The following KDM4C variants were observed in gnomAD, a reference collection of about 807,000 sequenced individuals.
KDM4C encodes lysine demethylase 4C.
A neutral mutation model predicts 129.3 loss-of-function variants in KDM4C; 81 were observed. The observed-to-expected ratio is 0.63, with a 90% CI of 0.52 to 0.75. KDM4C has a LOEUF of 0.75. Ranked by LOEUF, KDM4C falls within the 30% of genes least tolerant of loss-of-function variation. KDM4C has a pLI of 0.00. For synonymous variants in KDM4C, 573 were observed against 456.1 expected (o/e 1.26, Z -3.26); for missense variants, 1,457 against 1,304.0 (o/e 1.12, Z -1.81).
chr9:7,023,068 T>A (rs1825167678), intron 15 of KDM4C, among the ~76,000 whole-genome samples: 1 of 152,248 alleles, frequency 6.6e-6, no homozygotes, highest in Non-Finnish European at 1.5e-5. Context: ...GTTGAAGATT[T>A]CTGCATCAGT....
chr9:7,034,555 C>T (rs1176468274), intron 15 of KDM4C, among the ~76,000 whole-genome samples: 2 of 152,166 alleles, frequency 1.3e-5, no homozygotes, highest in Non-Finnish European at 2.9e-5. Context: ...ATACATGCCA[C>T]ATTTTCTTTA....
At chr9:6,774,756 G>A (rs1282062444) in intron 1 of KDM4C, among the ~76,000 whole-genome samples, 2 of 152,146 alleles carry the variant, frequency 1.3e-5, no homozygotes, top group Non-Finnish European at 2.9e-5. Context: ...GGTTTTATAT[G>A]ATACTTGGGG....
chr9:6,796,434 C>A (rs17509074), intron 2 of KDM4C, among the ~76,000 whole-genome samples: 2 of 151,938 alleles, frequency 1.3e-5, no homozygotes, highest in Non-Finnish European at 2.9e-5. Flanking sequence ...GAATGCAGCC[C>A]TTTGTCCTGT....
At chr9:6,835,938 A>G (rs530448462) in intron 4 of KDM4C, among the ~76,000 whole-genome samples, 65 of 152,338 alleles carry the variant, frequency 4.3e-4, no homozygotes, top group African/African-American at 1.3e-3. Context: ...CCGAGTCCAC[A>G]TAGGGGAGGT....
chr9:6,951,297 C>T lies in KDM4C; in HGVS notation c.922-29628C>T, dbSNP rs193182956. ...TTCTATCTAGCTGTAACTTTGTATC[C>T]TTTAACACATCTCTCCCTGTCCTTA... On this transcript the variant is annotated intron_variant, in intron 8 of 21. Transcript: ENST00000381309. Among the ~76,000 whole-genome samples the T allele has an allele frequency of 3.4e-3, 517 of 152,212 alleles. 2 individuals are homozygous for T. The highest frequency in any genetic ancestry group is 0.012 in the African/African-American group (487 of 41,528).
chr9:6,842,304 C>T (rs1219587427), intron 4 of KDM4C, among the ~76,000 whole-genome samples: 1 of 148,746 alleles, frequency 6.7e-6, no homozygotes, highest in African/African-American at 2.5e-5. Flanking sequence ...TTTCTTTTAT[C>T]CACATTTCTT....
intron 19 of KDM4C, among the ~76,000 whole-genome samples, chr9:7,148,501 A>G (rs1016116378): frequency 2.6e-5 from 4 of 151,794 alleles, no homozygotes; most frequent in African/African-American, 7.3e-5. Context: ...GCTCTGGCTC[A>G]GGGAATTCCA....
intron 8 of KDM4C, among the ~76,000 whole-genome samples, chr9:6,918,132 A>G (rs964756343): frequency 6.6e-5 from 10 of 152,226 alleles, no homozygotes; most frequent in Non-Finnish European, 1.2e-4. Flanking sequence ...GGCAGTGAAC[A>G]TAGTACCCAA....
At chr9:6,742,492 C>A (rs894549347) in intron 1 of KDM4C, among the ~76,000 whole-genome samples, 2 of 151,756 alleles carry the variant, frequency 1.3e-5, no homozygotes, top group African/African-American at 2.4e-5. Flanking sequence ...GTTCTGCTGG[C>A]CTTCGTGAGT....
Position 6,990,416 on chromosome 9 carries a change from A to G in KDM4C, c.1678A>G (p.Ile560Val), listed in dbSNP as rs1030363794. The change falls in exon 12 of 22, where the codon ATA (isoleucine) becomes GTA (valine). Residue 560 changes from isoleucine (I) to valine (V), a missense_variant and splice_region_variant. Coordinates refer to ENST00000381309, the MANE Select transcript of KDM4C (RefSeq NM_015061.6). ...GERNSFKVPS[I>V]AEGENKTSKS... Reference sequence around the variant, plus strand: ...TCCACCATTTTTGTTCTATAACTAGATAGCAGAGGGAGAGAACAAAACCTC... The same window carrying G: ...TCCACCATTTTTGTTCTATAACTAGGTAGCAGAGGGAGAGAACAAAACCTC... 1.2e-6 allele frequency: 2 copies of G among 1,602,722 alleles called. No individual in the cohort carries two copies. Among genetic ancestry groups the G allele is most frequent in the Non-Finnish European group, 1.7e-6 (2 of 1,170,928 alleles).
intron 1 of KDM4C, among the ~76,000 whole-genome samples, chr9:6,776,499 C>G (rs1355264311): frequency 6.6e-6 from 1 of 151,826 alleles, no homozygotes; most frequent in Admixed American, 6.6e-5. Flanking sequence ...CTTGACCTCC[C>G]AAAGTGCTGG....
chr9:6,764,787 TTC>T (rs1820285351), intron 1 of KDM4C, among the ~76,000 whole-genome samples: 1 of 152,244 alleles, frequency 6.6e-6, no homozygotes, highest in African/African-American at 2.4e-5. Flanking sequence ...TGCTAATGAC[TTC>T]TTTTTTTATA....
At chr9:6,965,013 A>G (rs1343423762) in intron 8 of KDM4C, among the ~76,000 whole-genome samples, 1 of 151,856 alleles carries the variant, frequency 6.6e-6, no homozygotes, top group African/African-American at 2.4e-5. Context: ...ACCTTTTTAC[A>G]CCCATTTACA....
chr9:6,924,497 G>C (rs563477441), intron 8 of KDM4C, among the ~76,000 whole-genome samples: 1 of 152,202 alleles, frequency 6.6e-6, no homozygotes. Flanking sequence ...TCTGTCCTTA[G>C]TTTGGGGAAT....
At chr9:7,102,526 A>G (rs1837217838) in intron 17 of KDM4C, among the ~76,000 whole-genome samples, 1 of 152,086 alleles carries the variant, frequency 6.6e-6, no homozygotes, top group Admixed American at 6.6e-5. Context: ...CCGTGGGCGG[A>G]GGCAGTGGCA....
At chr9:6,752,490 A>C (rs1021696693) in intron 1 of KDM4C, among the ~76,000 whole-genome samples, 2 of 149,204 alleles carry the variant, frequency 1.3e-5, no homozygotes, top group Admixed American at 1.3e-4. Context: ...GGCTTACTGC[A>C]ATCTCCGCCT....
At chr9:6,909,372 C>A (rs73410605) in intron 8 of KDM4C, among the ~76,000 whole-genome samples, 2,493 of 152,302 alleles carry the variant, frequency 0.016, 68 homozygotes, top group African/African-American at 0.057. Flanking sequence ...AAGTGTAACA[C>A]CTTTCTGTAG....
chr9:6,745,267 A>T (rs185942625), intron 1 of KDM4C, among the ~76,000 whole-genome samples: 8 of 152,204 alleles, frequency 5.3e-5, no homozygotes, highest in African/African-American at 1.9e-4. Context: ...AATTGTCTTC[A>T]TGGGTATTTC....
intron 17 of KDM4C, among the ~76,000 whole-genome samples, chr9:7,065,344 G>A (rs1374421659): frequency 6.6e-6 from 1 of 151,546 alleles, no homozygotes; most frequent in South Asian, 2.1e-4. Flanking sequence ...AATGGAAAAA[G>A]TAGTCAAATA....
Sources: gnomAD v4.1 joint callset for allele counts (sites outside exome capture counted in the v4.1 genomes callset) on GRCh38, gnomAD v4.1.1 for gene constraint, MANE v1.5 for transcripts, NCBI Gene and HGNC (gene_info 2026-07-23, HGNC 2026-07-21) for gene names.